ZNF69: variants seen among roughly 807,000 people sequenced by gnomAD.
ZNF69 encodes the protein ZNF3.
In ZNF69, 47 loss-of-function variants were observed where a neutral mutation model predicts 50.9. The observed-to-expected ratio is 0.92, with a 90% CI of 0.73 to 1.18. The LOEUF (loss-of-function observed/expected upper bound fraction) is 1.18. Ranked by LOEUF, ZNF69 falls within the 50% of genes most tolerant of loss-of-function variation. The probability of loss-of-function intolerance (pLI) is 0.00; values close to 1 mark genes in which losing one functional copy is unlikely to be tolerated. For synonymous variants in ZNF69, 216 were observed against 223.1 expected, an observed-to-expected ratio of 0.97 and a Z score of 0.29; for missense variants, 717 against 675.1, an observed-to-expected ratio of 1.06 and a Z score of -0.69.
chr19:11,946,260 C>T, the ZNF69 span, among the ~76,000 whole-genome samples: 3 of 152,240 alleles, frequency 2.0e-5, no homozygotes, highest in African/African-American at 4.8e-5. Flanking sequence ...CGCAGCTTCA[C>T]ATTCTCTCTT....
chr19:11,978,220 C>T, the ZNF69 span: 2 of 1,614,042 alleles, frequency 1.2e-6, no homozygotes, highest in South Asian at 1.1e-5. Flanking sequence ...GAGAAGAAAG[C>T]TTCTCCTGAA....
downstream of ZNF69, among the ~76,000 whole-genome samples, chr19:11,909,516 A>G (rs1972427123): frequency 6.6e-6 from 1 of 152,226 alleles, no homozygotes; most frequent in Non-Finnish European, 1.5e-5. Flanking sequence ...GATTCAACAT[A>G]TGCAAAGCAA....
At chr19:11,975,097 CTT>C in the ZNF69 span, among the ~76,000 whole-genome samples, 2 of 145,786 alleles carry the variant, frequency 1.4e-5, no homozygotes, top group African/African-American at 2.5e-5. Context: ...ATGTTATTTT[CTT>C]TTTTTTTTTT....
chr19:11,903,785 A>G, intron 2 of ZNF69, 86 bp downstream of exon 2: 1 of 1,603,320 alleles, frequency 6.2e-7, no homozygotes, highest in Admixed American at 1.7e-5. Flanking sequence ...TAGAACATAG[A>G]CAGGAAATAC....
the ZNF69 span, chr19:11,949,846 C>T: frequency 2.2e-5 from 36 of 1,612,854 alleles, no homozygotes; most frequent in Admixed American, 8.3e-5. Flanking sequence ...CTCAAACCTT[C>T]GAAAGCATGG....
intron 1 of ZNF69, among the ~76,000 whole-genome samples, chr19:11,892,113 C>T (rs944195041): frequency 2.7e-5 from 4 of 150,548 alleles, no homozygotes; most frequent in Non-Finnish European, 4.4e-5. Flanking sequence ...AGACTACAGT[C>T]GCCCACCAGC....
At chr19:11,939,188 C>T in the ZNF69 span, among the ~76,000 whole-genome samples, 11,277 of 152,058 alleles carry the variant, frequency 0.074, 724 homozygotes, top group African/African-American at 0.17. Context: ...CCTGTTCATT[C>T]TGATGGTAGT....
At chr19:11,978,317 C>T in the ZNF69 span, 2 of 1,614,052 alleles carry the variant, frequency 1.2e-6, no homozygotes, top group Non-Finnish European at 1.7e-6. Flanking sequence ...ACATTGGGCA[C>T]AAGGCATACG....
At chr19:11,889,769 C>T (rs1224407515) in intron 1 of ZNF69, among the ~76,000 whole-genome samples, 1 of 152,188 alleles carries the variant, frequency 6.6e-6, no homozygotes, top group Non-Finnish European at 1.5e-5. Flanking sequence ...TGCACCGGCG[C>T]TGGTCTCTGA....
chr19:11,928,802 T>C, the ZNF69 span, among the ~76,000 whole-genome samples: 1 of 141,894 alleles, frequency 7.0e-6, no homozygotes, highest in Non-Finnish European at 1.5e-5. Flanking sequence ...AAGAGGGGCC[T>C]GGTAGGATGG....
downstream of ZNF69, among the ~76,000 whole-genome samples, chr19:11,915,127 C>A (rs1972510359): frequency 6.6e-6 from 1 of 152,046 alleles, no homozygotes; most frequent in Admixed American, 6.6e-5. Context: ...TGGCTTGAGC[C>A]TGGAGACAGA....
the ZNF69 span, among the ~76,000 whole-genome samples, chr19:11,938,409 G>A: frequency 7.0e-3 from 1,062 of 152,066 alleles, 7 homozygotes; most frequent in Admixed American, 0.012. Context: ...GACAGGCCCC[G>A]GTGTGTGATG....
chr19:11,948,114 G>A, the ZNF69 span, among the ~76,000 whole-genome samples: 1 of 152,156 alleles, frequency 6.6e-6, no homozygotes, highest in Admixed American at 6.5e-5. Flanking sequence ...GGTATGGCTG[G>A]GTCATCTTGT....
At chr19:11,913,648 C>T (rs1568284093) in exon 5 of ZNF69, 3 of 284,830 alleles carry the variant, frequency 1.1e-5, no homozygotes, top group African/African-American at 4.4e-5. Flanking sequence ...CTCGGCCTCC[C>T]AAAATGCTGG....
chr19:11,897,533 C>G (rs141986835), intron 1 of ZNF69, among the ~76,000 whole-genome samples: 1 of 150,256 alleles, frequency 6.7e-6, no homozygotes, highest in Non-Finnish European at 1.5e-5. Flanking sequence ...TATGATTGCA[C>G]CGCTACACTC....
the ZNF69 span, among the ~76,000 whole-genome samples, chr19:11,952,062 C>G: frequency 1.3e-5 from 2 of 152,038 alleles, no homozygotes; most frequent in Non-Finnish European, 2.9e-5. Flanking sequence ...GTAATCCTAG[C>G]TAGTCAGGAG....
At chr19:11,977,973 C>T in the ZNF69 span, 1 of 980,070 alleles carries the variant, frequency 1.0e-6, no homozygotes, top group Non-Finnish European at 1.5e-6. Context: ...CCTTGTAGAA[C>T]ATGTTGTCCA....
the ZNF69 span, chr19:11,965,332 CCT>C: frequency 3.6e-3 from 4,987 of 1,391,472 alleles, 151 homozygotes; most frequent in African/African-American, 0.06. Context: ...ACCGAGTCCT[CCT>C]GGAGCTGCTC....
the ZNF69 span, among the ~76,000 whole-genome samples, chr19:11,927,432 AAAT>A: frequency 6.9e-6 from 1 of 145,434 alleles, no homozygotes; most frequent in South Asian, 2.1e-4. Flanking sequence ...TTAAATAAAT[AAAT>A]AAATAAATAA....
Sources: allele counts gnomAD v4.1 joint callset (sites outside exome capture counted in the v4.1 genomes callset), GRCh38; gene constraint gnomAD v4.1.1; transcripts MANE v1.5; gene names NCBI Gene and HGNC (gene_info 2026-07-23, HGNC 2026-07-21).